Variants in FOXP4 observed in about 807,000 individuals in gnomAD.
FOXP4 encodes the protein forkhead box P4, also known as forkhead box protein P4.
FOXP4 carries 25 observed loss-of-function variants against 82.6 expected under a neutral mutation model. The ratio of observed to expected loss-of-function variants is 0.30; its 90% CI spans 0.22 to 0.42. The LOEUF is 0.42. Among genes scored for constraint, FOXP4 ranks in the 10% least tolerant of loss-of-function variants. The pLI, the probability that FOXP4 is intolerant of heterozygous loss-of-function variation, is 1.00. For missense variants in FOXP4, 785 were observed against 900.9 expected, an observed-to-expected ratio of 0.87 and a Z score of 1.65; for synonymous variants, 415 against 388.2, an observed-to-expected ratio of 1.07 and a Z score of -0.81.
Position 41,597,968 on chromosome 6 carries a change from AC to A in FOXP4, c.1895+23del. 1 of 1,457,154 alleles carries A rather than the reference AC, an allele frequency of 6.9e-7. No individual in the cohort carries two copies. Among genetic ancestry groups the A allele is most frequent in the Non-Finnish European group, 9.1e-7 (1 of 1,102,952 alleles). 90.3% of individuals were successfully genotyped at this position (1,457,154 alleles called of 1,614,324 possible). On this transcript the variant is annotated intron_variant, in intron 16 of 16. Coordinates refer to ENST00000307972, the MANE Select transcript of FOXP4 (RefSeq NM_001012426.2). Reference sequence around the variant, plus strand: ...CAGTACAGGTGAGCACACAGCACGGACCCCCACCCACCCCAGCACCCCTCAA... The same window carrying A: ...CAGTACAGGTGAGCACACAGCACGGACCCCACCCACCCCAGCACCCCTCAA...
rs1337451040 is a variant in FOXP4, at chr6:41,565,756, G to A, written c.-5G>A. On this transcript the variant is annotated 5_prime_UTR_variant, in exon 2 of 17. Coordinates refer to ENST00000307972, the MANE Select transcript of FOXP4 (RefSeq NM_001012426.2). ...TCTTCCTCCTCCAGGTACCGCTAGA[G>A]CGACATGATGGTGGAATCTGCCTCG... 6.3e-7 allele frequency: 1 copy of A among 1,594,852 alleles called. No individual in the cohort carries two copies. Among genetic ancestry groups the A allele is most frequent in the Non-Finnish European group, 8.6e-7 (1 of 1,167,072 alleles).
At position 41,587,855 on chromosome 6, in the gene FOXP4, C is replaced by A; in HGVS notation, c.935C>A (p.Pro312Gln). 1 of 1,570,614 alleles carries A rather than the reference C, an allele frequency of 6.4e-7. No individual in the cohort carries two copies. The highest frequency in any genetic ancestry group is 1.8e-5 in the Admixed American group (1 of 54,780). ...TACGGACACGGAGAGTGCAAGTGGCCAGGCTGTGAGACCCTGTGTGAAGAC... is the reference window on the plus strand; with the variant it reads ...TACGGACACGGAGAGTGCAAGTGGCAAGGCTGTGAGACCCTGTGTGAAGAC... ...PLYGHGECKW[P>Q]GCETLCEDLG... The change falls in exon 8 of 17, where the codon CCA (proline) becomes CAA (glutamine). Residue 312 changes from proline to glutamine, a missense_variant. This residue lies in a region of FOXP4 where 570 missense variants were observed against 634.0 expected (regional missense o/e 0.90). Transcript: ENST00000307972.
At position 41,590,043 on chromosome 6, in the gene FOXP4, C is replaced by G. The variant is rs986618450; in HGVS notation, c.1230C>G (p.His410Gln). ...AADSFPDGLV[H>Q]PPTSAAAPVT... ...ACTCATTCCCAGATGGTCTCGTGCA[C>G]CCCCCGACCTCGGCCGCAGCCCCTG... The change falls in exon 11 of 17, where the codon CAC (histidine) becomes CAG (glutamine). Residue 410 changes from histidine (H) to glutamine (Q), a missense_variant. Physicochemically the swap from His to Gln is conservative, Grantham distance 24. Around this residue, in one of 3 missense-constraint regions of FOXP4, gnomAD observed 570 missense variants for 634.0 expected, o/e 0.90. Coordinates refer to ENST00000307972, the MANE Select transcript of FOXP4 (RefSeq NM_001012426.2). The G allele has an allele frequency of 1.2e-6, 2 of 1,613,412 alleles. No homozygotes were observed. Among genetic ancestry groups the G allele is most frequent in the Non-Finnish European group, 1.7e-6 (2 of 1,179,890 alleles).
At chr6:41,587,983 G>A in intron 8 of FOXP4, 86 bp downstream of exon 8, 1 of 721,044 alleles carries the variant, frequency 1.4e-6, no homozygotes, top group East Asian at 2.7e-5. Flanking sequence ...GCCCCTTCTG[G>A]GAGCCCTCCT....
At chr6:41,563,590 G>T (rs760415798) in intron 1 of FOXP4, among the ~76,000 whole-genome samples, 9 of 152,250 alleles carry the variant, frequency 5.9e-5, no homozygotes, top group Non-Finnish European at 1.0e-4. Flanking sequence ...TCTATCCCTC[G>T]ATGATCTCTG....
chr6:41,565,919 T>C lies in FOXP4; in HGVS notation c.159T>C (p.Asn53=), dbSNP rs1333554390. 6.2e-7 allele frequency: 1 copy of C among 1,613,832 alleles called. No individual in the cohort carries two copies. The highest frequency in any genetic ancestry group is 1.3e-5 in the African/African-American group (1 of 74,890). Residue 53 remains asparagine, a synonymous_variant, in exon 2 of 17, where the codon AAT becomes AAC. Transcript: ENST00000307972. ...AAGTGACCACGGGTGCAGACAGCAA[T>C]GGTGAGATGAGTCCCGCAGAGCTGC... is the stretch of plus-strand genomic sequence containing the variant. ...GREVTTGADS[N]GEMSPAELLH... is the part of the protein sequence containing the mutation.
rs1297059287 is a variant in FOXP4, at chr6:41,602,359, A to G, written c.*3423A>G. 2.0e-5 allele frequency: 3 copies of G among 152,218 alleles called. No individual in the cohort carries two copies. The highest frequency in any genetic ancestry group is 4.4e-5 in the Non-Finnish European group (3 of 68,046). 9.4% of individuals were successfully genotyped at this position (152,218 alleles called of 1,614,324 possible). A position where few individuals can be genotyped will look rare whatever the true frequency, so the allele number is the denominator to read the frequency against. On this transcript the variant is annotated 3_prime_UTR_variant, in exon 17 of 17. Transcript: ENST00000307972. The stretch of plus-strand genomic sequence containing the variant: ...ATCTGTGGACAATGGCATTCTCTAC[A>G]ATGCAATAAAAACAATTACCCATGA...
intron 4 of FOXP4, among the ~76,000 whole-genome samples, chr6:41,585,120 C>T (rs1205413763): frequency 6.6e-6 from 1 of 152,130 alleles, no homozygotes; most frequent in African/African-American, 2.4e-5. Flanking sequence ...TGCATGCTGG[C>T]CCCACTTCTA....
chr6:41,573,535 G>C (rs1765314941), intron 2 of FOXP4, among the ~76,000 whole-genome samples: 1 of 152,120 alleles, frequency 6.6e-6, no homozygotes, highest in Non-Finnish European at 1.5e-5. Flanking sequence ...AAGCTTGAGG[G>C]GGAATGGGGG....
At chr6:41,557,029 G>A (rs1367269905) in intron 1 of FOXP4, among the ~76,000 whole-genome samples, 4 of 152,040 alleles carry the variant, frequency 2.6e-5, no homozygotes, top group Non-Finnish European at 5.9e-5. Context: ...TTTCAAGCCC[G>A]GCAAAAGCAA....
intron 3 of FOXP4, among the ~76,000 whole-genome samples, chr6:41,581,308 A>T (rs891127357): frequency 2.0e-5 from 3 of 151,792 alleles, no homozygotes; most frequent in African/African-American, 7.3e-5. Flanking sequence ...ATTCGTTCCC[A>T]CTCTCAGCCC....
chr6:41,585,562 C>T, intron 5 of FOXP4, 45 bp downstream of exon 5: 1 of 1,571,882 alleles, frequency 6.4e-7, no homozygotes, highest in Non-Finnish European at 8.7e-7. Flanking sequence ...ACCCCCTGCC[C>T]AGAGCTGGGT....
At chr6:41,559,500 T>C (rs1426544743) in intron 1 of FOXP4, among the ~76,000 whole-genome samples, 1 of 152,172 alleles carries the variant, frequency 6.6e-6, no homozygotes, top group African/African-American at 2.4e-5. Context: ...GAAAAACAAG[T>C]GCCAGGTTTA....
At chr6:41,556,325 GTTTT>G (rs11314988) in intron 1 of FOXP4, among the ~76,000 whole-genome samples, 1 of 136,926 alleles carries the variant, frequency 7.3e-6, no homozygotes, top group African/African-American at 2.7e-5. Context: ...CTCTGTGAAT[GTTTT>G]TTTTTTTTTT....
chr6:41,548,190 G>A (rs182715021), intron 1 of FOXP4, among the ~76,000 whole-genome samples: 238 of 152,284 alleles, frequency 1.6e-3, no homozygotes, highest in Admixed American at 0.014. Context: ...TCGGCGCCTG[G>A]CGTTTCGGGC....
intron 1 of FOXP4, among the ~76,000 whole-genome samples, chr6:41,559,986 A>G (rs1423368126): frequency 6.6e-6 from 1 of 151,880 alleles, no homozygotes; most frequent in Non-Finnish European, 1.5e-5. Flanking sequence ...CTCATCTTCT[A>G]CTCCGTGCTA....
At chr6:41,568,467 T>G (rs1483138377) in intron 2 of FOXP4, among the ~76,000 whole-genome samples, 1 of 152,228 alleles carries the variant, frequency 6.6e-6, no homozygotes. Context: ...ACAGTCGCTG[T>G]GGGAAATGGA....
chr6:41,570,323 G>A (rs977985406), intron 2 of FOXP4: 11 of 470,994 alleles, frequency 2.3e-5, no homozygotes, highest in African/African-American at 1.0e-4. Context: ...GGAGGCTTAC[G>A]GACATCACAC....
intron 1 of FOXP4, among the ~76,000 whole-genome samples, chr6:41,552,434 C>T (rs1764051340): frequency 6.6e-6 from 1 of 152,158 alleles, no homozygotes; most frequent in African/African-American, 2.4e-5. Context: ...ATGGTCAGGC[C>T]ATGCTGAGGG....
Sources: gnomAD v4.1 joint callset for allele counts (sites outside exome capture counted in the v4.1 genomes callset) on GRCh38, gnomAD v4.1.1 for gene constraint, gnomAD v4.1.1 regional missense constraint, MANE v1.5 for transcripts, NCBI Gene and HGNC (gene_info 2026-07-23, HGNC 2026-07-21) for gene names.